Variants in CDHR3 observed in about 807,000 individuals in gnomAD.
CDHR3 encodes cadherin related family member 3.
A neutral mutation model predicts 86.6 loss-of-function variants in CDHR3; 79 were observed. That is an observed-to-expected ratio of 0.91 (90% confidence interval 0.76 to 1.10). The LOEUF is 1.10. Among genes scored for constraint, CDHR3 ranks in the 50% least tolerant of loss-of-function variants. The pLI, the probability that CDHR3 is intolerant of heterozygous loss-of-function variation, is 0.00. For synonymous variants in CDHR3, 421 were observed against 402.4 expected, an observed-to-expected ratio of 1.05 and a Z score of -0.55; for missense variants, 1,081 against 1,077.6, an observed-to-expected ratio of 1.00 and a Z score of -0.04.
Position 105,971,140 on chromosome 7 carries a change from C to CA in CDHR3, c.47-3687dup, listed in dbSNP as rs5886378. Among the ~76,000 whole-genome samples the CA allele has an allele frequency of 4.6e-3, 632 of 136,858 alleles. 10 individuals carry two copies. The highest frequency in any genetic ancestry group is 0.011 in the African/African-American group (379 of 35,702). 89.8% of individuals were successfully genotyped at this position (136,858 alleles called of 152,430 possible). On this transcript the variant is annotated intron_variant, in intron 1 of 18. Coordinates refer to ENST00000317716, the MANE Select transcript of CDHR3 (RefSeq NM_152750.5). ...TGGGAGACAGAGCGAGACTCCATTT[C>CA]AAAAAAAAAAAAAAAAATCAGTATC...
intron 15 of CDHR3, 62 bp from the exon 16 acceptor site, chr7:106,026,620 A>G: frequency 1.3e-6 from 2 of 1,571,324 alleles, no homozygotes; most frequent in South Asian, 2.2e-5. Flanking sequence ...CCATGGTGTC[A>G]TGTGTGTGCC....
chr7:105,977,596 T>A (rs565491756), intron 2 of CDHR3, among the ~76,000 whole-genome samples: 1 of 152,328 alleles, frequency 6.6e-6, no homozygotes, highest in East Asian at 1.9e-4. Flanking sequence ...AACTGATTGC[T>A]TCTCCCCAGA....
At chr7:105,994,556 G>C (rs1464713664) in intron 4 of CDHR3, among the ~76,000 whole-genome samples, 195 bp from the exon 5 acceptor site, 1 of 152,082 alleles carries the variant, frequency 6.6e-6, no homozygotes, top group East Asian at 1.9e-4. Flanking sequence ...GGTCAACCAG[G>C]GCTCAGACCA....
rs1447752015 is a variant in CDHR3 at position 106,035,738 on chromosome 7, AGTG to A, written c.*3043_*3045del. ...CAGGAAGCAACCAATCAGAGACTGA[AGTG>A]GAGTTACAAAGGTCACGCTCCTGTG... On this transcript the variant is annotated 3_prime_UTR_variant, in exon 19 of 19. Transcript: ENST00000317716. 1.3e-5 allele frequency: 2 copies of A among 152,128 alleles called. No individual in the cohort carries two copies. The highest frequency in any genetic ancestry group is 2.9e-5 in the Non-Finnish European group (2 of 68,026). 9.4% of individuals were successfully genotyped at this position (152,128 alleles called of 1,614,324 possible). A position where few individuals can be genotyped will look rare whatever the true frequency, so the allele number is the denominator to read the frequency against.
rs762962922 is a variant in CDHR3 at position 106,026,665 on chromosome 7, T to A, written c.2259-17T>A. 6 of 1,613,604 alleles carry A rather than the reference T, an allele frequency of 3.7e-6. No individual in the cohort carries two copies. The African/African-American group carries it at 5.3e-5, about 14-fold the overall frequency. ...TACTTTCAAGTGAATTAATAGCCAT[T>A]CTTTTTCCCCCCATAGGACAAAGAA... On this transcript the variant is annotated splice_polypyrimidine_tract_variant and intron_variant, in intron 15 of 18. Coordinates refer to ENST00000317716, the MANE Select transcript of CDHR3 (RefSeq NM_152750.5).
chr7:106,032,888 G>C lies in CDHR3; in HGVS notation c.*191G>C. On this transcript the variant is annotated 3_prime_UTR_variant, in exon 19 of 19. Transcript: ENST00000317716. The stretch of plus-strand genomic sequence containing the variant: ...GTTTGATCACATAGTTGCGTGTTCT[G>C]AAATGATACAGGAACATTTTCTATC... The C allele has an allele frequency of 1.7e-6, 1 of 575,938 alleles. No homozygotes were observed. Among genetic ancestry groups the C allele is most frequent in the Non-Finnish European group, 3.0e-6 (1 of 328,492 alleles). 35.7% of individuals were successfully genotyped at this position (575,938 alleles called of 1,614,324 possible). A position where few individuals can be genotyped will look rare whatever the true frequency, so the allele number is the denominator to read the frequency against.
chr7:106,014,869 G>C (rs1186675607), intron 9 of CDHR3, among the ~76,000 whole-genome samples: 1 of 152,204 alleles, frequency 6.6e-6, no homozygotes, highest in Non-Finnish European at 1.5e-5. Context: ...TTGAGCAATA[G>C]TGCTTAATGA....
At chr7:105,986,553 C>T (rs942884117) in intron 4 of CDHR3, among the ~76,000 whole-genome samples, 2 of 152,126 alleles carry the variant, frequency 1.3e-5, no homozygotes, top group African/African-American at 2.4e-5. Flanking sequence ...TTTTACATGA[C>T]GTGGGAGGGC....
intron 3 of CDHR3, among the ~76,000 whole-genome samples, chr7:105,981,710 T>TCC (rs1410857388): frequency 6.6e-6 from 1 of 152,090 alleles, no homozygotes; most frequent in Non-Finnish European, 1.5e-5. Context: ...ACCCAGCATC[T>TCC]CCACTTGGAT....
intron 4 of CDHR3, among the ~76,000 whole-genome samples, chr7:105,987,336 T>A (rs1190607508): frequency 1.3e-5 from 2 of 152,182 alleles, no homozygotes; most frequent in Non-Finnish European, 2.9e-5. Context: ...TTAACACCTG[T>A]GCTGGAACTA....
At chr7:106,025,650 G>T (rs944529618) in intron 15 of CDHR3, among the ~76,000 whole-genome samples, 1 of 152,098 alleles carries the variant, frequency 6.6e-6, no homozygotes. Flanking sequence ...CCTTTTACGG[G>T]TATTTTAAAT....
intron 2 of CDHR3, among the ~76,000 whole-genome samples, chr7:105,977,671 A>G (rs1466093724): frequency 6.6e-6 from 1 of 152,216 alleles, no homozygotes; most frequent in Non-Finnish European, 1.5e-5. Context: ...ATTGCTCACA[A>G]GAGTTACTCC....
intron 3 of CDHR3, among the ~76,000 whole-genome samples, chr7:105,983,384 G>A (rs1830055936): frequency 1.3e-5 from 2 of 152,180 alleles, no homozygotes; most frequent in South Asian, 4.1e-4. Context: ...ACTTCCCTGA[G>A]TCTCAGTGTT....
At position 105,996,289 on chromosome 7, in the gene CDHR3, CA is replaced by C; in HGVS notation, c.651del (p.Ala218ProfsTer7). On this transcript the variant is annotated frameshift_variant, in exon 6 of 19. Coordinates refer to ENST00000317716, the MANE Select transcript of CDHR3 (RefSeq NM_152750.5). LOFTEE classifies it high-confidence loss of function. ...IVEVRDSGGL[K>X]ASTELQVNIV... ...TGGAGGTGAGGGACAGTGGAGGCCT[CA>C]AAGCCTCCACAGAGCTCCAGGTGAA... The C allele has an allele frequency of 6.3e-7, 1 of 1,599,538 alleles. No homozygotes were observed. Among genetic ancestry groups the C allele is most frequent in the Non-Finnish European group, 8.6e-7 (1 of 1,168,162 alleles).
intron 13 of CDHR3, among the ~76,000 whole-genome samples, chr7:106,021,231 C>T (rs1056399473): frequency 6.6e-6 from 1 of 151,986 alleles, no homozygotes; most frequent in Non-Finnish European, 1.5e-5. Flanking sequence ...GTGCTGGGGC[C>T]AGAGATTTAA....
chr7:106,032,725 C>A lies in CDHR3; in HGVS notation c.*28C>A. The A allele has an allele frequency of 6.3e-7, 1 of 1,580,072 alleles. No individual in the cohort carries two copies. Among genetic ancestry groups the A allele is most frequent in the Non-Finnish European group, 8.6e-7 (1 of 1,161,204 alleles). On this transcript the variant is annotated 3_prime_UTR_variant, in exon 19 of 19. Transcript: ENST00000317716. The stretch of plus-strand genomic sequence containing the variant: ...GGGGTCTAAGGAGGGGCCTGTCAAT[C>A]ACTGAGATGCTGCCTCACCCTAAAT...
At position 106,024,365 on chromosome 7, in the gene CDHR3, C is replaced by T; in HGVS notation, c.2077-16C>T. ...TACCACCCTCTACTCACCCTCCCTG[C>T]TCTCTGTTGTTCAAGCCCAGGGTCA... is the stretch of plus-strand genomic sequence containing the variant. On this transcript the variant is annotated splice_polypyrimidine_tract_variant and intron_variant, in intron 14 of 18. Coordinates refer to ENST00000317716, the MANE Select transcript of CDHR3 (RefSeq NM_152750.5). The T allele has an allele frequency of 6.2e-7, 1 of 1,612,456 alleles. No individual in the cohort carries two copies. Among genetic ancestry groups the T allele is most frequent in the Non-Finnish European group, 8.5e-7 (1 of 1,178,668 alleles).
Position 105,981,146 on chromosome 7 carries a change from A to G in CDHR3, c.415+13A>G. ...AACTTGGCAGAAGGTAGGATACACC[A>G]GGATGTGCACTGCAGCCCAGACAGT... On this transcript the variant is annotated intron_variant, in intron 3 of 18. Transcript: ENST00000317716. 1.2e-6 allele frequency: 2 copies of G among 1,612,656 alleles called. No homozygotes were observed. Among genetic ancestry groups the G allele is most frequent in the Non-Finnish European group, 8.5e-7 (1 of 1,179,178 alleles).
chr7:106,026,920 C>G (rs1837440994), intron 16 of CDHR3, among the ~76,000 whole-genome samples: 1 of 152,170 alleles, frequency 6.6e-6, no homozygotes, highest in African/African-American at 2.4e-5. Context: ...TTGGTCCTGC[C>G]TATGCCCTAC....
Sources: gnomAD v4.1 joint callset for allele counts (sites outside exome capture counted in the v4.1 genomes callset) on GRCh38, gnomAD v4.1.1 for gene constraint, MANE v1.5 for transcripts, NCBI Gene and HGNC (gene_info 2026-07-23, HGNC 2026-07-21) for gene names.